ANKFN1: variants seen among roughly 807,000 people sequenced by gnomAD.
ANKFN1 encodes the protein ankyrin repeat and fibronectin type-III domain-containing protein 1.
Under a neutral mutation model 108.7 loss-of-function variants are expected in ANKFN1, and 74 were observed. That is an observed-to-expected ratio of 0.68 (90% confidence interval 0.56 to 0.83). The LOEUF is 0.83. ANKFN1 is among the 40% of genes least tolerant of loss of function. The pLI is 0.00. For synonymous variants in ANKFN1, 547 were observed against 516.2 expected (o/e 1.06, Z -0.81); for missense variants, 1,505 against 1,382.3 (o/e 1.09, Z -1.41).
At chr17:56,451,637 T>G (rs2145209832) in intron 11 of ANKFN1, among the ~76,000 whole-genome samples, 1 of 152,306 alleles carries the variant, frequency 6.6e-6, no homozygotes, top group African/African-American at 2.4e-5. Flanking sequence ...CCACAGTTTC[T>G]TGATCAGCAA....
At chr17:56,058,766 A>G (rs1204930637) in intron 4 of ANKFN1, among the ~76,000 whole-genome samples, 5 of 152,132 alleles carry the variant, frequency 3.3e-5, no homozygotes, top group Non-Finnish European at 7.4e-5. Context: ...ACATGATCTC[A>G]TTCACTTTTA....
intron 6 of ANKFN1, among the ~76,000 whole-genome samples, chr17:56,358,117 T>C (rs970412168): frequency 2.6e-5 from 4 of 152,154 alleles, no homozygotes; most frequent in South Asian, 4.1e-4. Context: ...CCTCTTCTAA[T>C]GACAGTTACA....
intron 6 of ANKFN1, chr17:56,368,090 C>T: frequency 2.0e-6 from 2 of 1,009,958 alleles, no homozygotes; most frequent in Non-Finnish European, 2.7e-6. Flanking sequence ...CTAGTAGTTA[C>T]ACTTCTGTAA....
At chr17:56,354,723 C>A (rs1458902220) in intron 6 of ANKFN1, among the ~76,000 whole-genome samples, 1 of 152,152 alleles carries the variant, frequency 6.6e-6, no homozygotes, top group Non-Finnish European at 1.5e-5. Flanking sequence ...ACTGTAATTT[C>A]TGCTTCTATG....
intron 1 of ANKFN1, among the ~76,000 whole-genome samples, chr17:56,193,559 C>A (rs1913212008): frequency 6.8e-6 from 1 of 146,972 alleles, no homozygotes; most frequent in Non-Finnish European, 1.5e-5. Context: ...TGTAAAAGTG[C>A]ATAATTTATT....
At chr17:56,449,549 G>A (rs921989263) in intron 11 of ANKFN1, among the ~76,000 whole-genome samples, 1 of 152,154 alleles carries the variant, frequency 6.6e-6, no homozygotes, top group African/African-American at 2.4e-5. Flanking sequence ...AAAATCCCCT[G>A]AGTATCCCTG....
At chr17:56,465,532 T>G (rs561297651) in intron 14 of ANKFN1, among the ~76,000 whole-genome samples, 1 of 152,336 alleles carries the variant, frequency 6.6e-6, no homozygotes, top group African/African-American at 2.4e-5. Flanking sequence ...AAGTAACAGC[T>G]AGGAGCTCTA....
chr17:56,346,239 TTGG>T (rs1483438608), intron 4 of ANKFN1, among the ~76,000 whole-genome samples: 2 of 152,096 alleles, frequency 1.3e-5, no homozygotes, highest in Admixed American at 6.6e-5. Flanking sequence ...TTCTGTTCCG[TTGG>T]TCTATATCTC....
chr17:56,317,598 G>A (rs906335023), intron 3 of ANKFN1, among the ~76,000 whole-genome samples: 5 of 152,180 alleles, frequency 3.3e-5, no homozygotes, highest in African/African-American at 1.2e-4. Flanking sequence ...CATCAGAAGA[G>A]GATGCTCTTT....
In ANKFN1 at chr17:56,379,226, G is replaced by T. The variant is rs573165294; in HGVS notation, c.910+4512G>T. On this transcript the variant is annotated intron_variant, in intron 8 of 20. Transcript: ENST00000682825. The stretch of plus-strand genomic sequence containing the variant: ...ATCCTGGCTAACACAGTGAAACCCC[G>T]TCTCTACTAAAAAATACAAAAGATT... Among the ~76,000 whole-genome samples the T allele has an allele frequency of 6.6e-5, 10 of 151,916 alleles. 1 individual carries two copies. The highest frequency in any genetic ancestry group is 6.6e-4 in the Admixed American group (10 of 15,258).
At chr17:56,333,336 A>G (rs562821057) in intron 4 of ANKFN1, among the ~76,000 whole-genome samples, 4 of 152,260 alleles carry the variant, frequency 2.6e-5, no homozygotes, top group South Asian at 4.1e-4. Context: ...AGGTTCCCTT[A>G]CATTCCTGAA....
At chr17:56,387,282 G>T (rs2047302613) in intron 8 of ANKFN1, among the ~76,000 whole-genome samples, 1 of 151,942 alleles carries the variant, frequency 6.6e-6, no homozygotes. Flanking sequence ...TCTAATCCAT[G>T]GGTTTAAGGC....
At chr17:56,331,839 C>T (rs1236342227) in intron 4 of ANKFN1, among the ~76,000 whole-genome samples, 2 of 152,008 alleles carry the variant, frequency 1.3e-5, no homozygotes, top group South Asian at 2.1e-4. Context: ...GGAGATACAA[C>T]CTCAGGGCAT....
intron 1 of ANKFN1, among the ~76,000 whole-genome samples, chr17:56,166,034 A>G (rs185615882): frequency 6.6e-6 from 1 of 152,298 alleles, no homozygotes; most frequent in East Asian, 1.9e-4. Context: ...TCCCTGCTGA[A>G]AAACTTGCAG....
intron 2 of ANKFN1, among the ~76,000 whole-genome samples, 195 bp downstream of exon 2, chr17:56,212,874 G>A (rs557978030): frequency 6.6e-6 from 1 of 152,210 alleles, no homozygotes; most frequent in African/African-American, 2.4e-5. Context: ...ATAACACAAC[G>A]TTGGTCTCAG....
At chr17:56,420,943 C>T (rs973350530) in intron 8 of ANKFN1, among the ~76,000 whole-genome samples, 6 of 152,126 alleles carry the variant, frequency 3.9e-5, no homozygotes, top group South Asian at 2.1e-4. Context: ...CTCCTGACCT[C>T]GTGATCCGCC....
In ANKFN1 at chr17:56,374,785, C is replaced by T. The variant is rs1040421830; in HGVS notation, c.910+71C>T. 64 of 1,240,538 alleles carry T rather than the reference C, an allele frequency of 5.2e-5. No homozygotes were observed. The East Asian group carries it at 1.5e-3, about 29-fold the overall frequency. The allele number at this position is 1,240,538 out of a possible 1,614,324, so 76.8% of individuals were successfully genotyped here. ...ATCTGCTGTTTGAGAATCAATAGTG[C>T]ATTTTGTGTGTTTGTTTTTCCTACT... On this transcript the variant is annotated intron_variant, in intron 8 of 20. Coordinates refer to ENST00000682825, the MANE Select transcript of ANKFN1 (RefSeq NM_001370326.1).
intron 14 of ANKFN1, chr17:56,462,091 C>A (rs1189414748): frequency 6.6e-6 from 1 of 152,098 alleles, no homozygotes; most frequent in Non-Finnish European, 1.5e-5. Context: ...GCTTTCATCA[C>A]TTTTTTTGGT....
At chr17:56,243,353 C>G (rs948741956) in intron 3 of ANKFN1, among the ~76,000 whole-genome samples, 1 of 152,088 alleles carries the variant, frequency 6.6e-6, no homozygotes. Flanking sequence ...GATTATGCTC[C>G]TGCTCCATGG....
Sources: gnomAD v4.1 joint callset for allele counts (sites outside exome capture counted in the v4.1 genomes callset) on GRCh38, gnomAD v4.1.1 for gene constraint, MANE v1.5 for transcripts, NCBI Gene and HGNC (gene_info 2026-07-23, HGNC 2026-07-21) for gene names.